The following RSF1 variants were observed in gnomAD, a reference collection of about 807,000 sequenced individuals.
The protein encoded by RSF1 is HBV pX-associated protein 8.
A neutral mutation model predicts 145.2 loss-of-function variants in RSF1; 13 were observed. The ratio of observed to expected loss-of-function variants is 0.09; its 90% confidence interval spans 0.06 to 0.14. RSF1 has a LOEUF of 0.14. Ranked by LOEUF, RSF1 falls within the 10% of genes least tolerant of loss-of-function variation. The pLI, the probability that RSF1 is intolerant of heterozygous loss-of-function variation, is 1.00. For missense variants in RSF1, 1,517 were observed against 1,718.2 expected, an observed-to-expected ratio of 0.88 and a Z score of 2.07; for synonymous variants, 577 against 592.6, an observed-to-expected ratio of 0.97 and a Z score of 0.38.
intron 11 of RSF1, among the ~76,000 whole-genome samples, chr11:77,681,875 T>C (rs1328480030): frequency 2.0e-5 from 3 of 152,234 alleles, no homozygotes; most frequent in Non-Finnish European, 2.9e-5. Flanking sequence ...AATGCAGTAT[T>C]TATGTATTTC....
At position 77,663,075 on chromosome 11, in the gene RSF1, T is replaced by C. The variant is rs1959270916; in HGVS notation, c.*3842A>G. 6.6e-6 allele frequency: 1 copy of C among 152,220 alleles called. No individual in the cohort carries two copies. Among genetic ancestry groups the C allele is most frequent in the African/African-American group, 2.4e-5 (1 of 41,470 alleles). The allele number at this position is 152,220 out of a possible 1,614,324, so 9.4% of individuals were successfully genotyped here. ...ATTTAACTCTGGGTCTTTGAATAGT[T>C]GTTCTATAGCTGTGAGGCATCACCT... is the stretch of plus-strand genomic sequence containing the variant. On this transcript the variant is annotated 3_prime_UTR_variant, in exon 16 of 16. Transcript: ENST00000308488.
intron 1 of RSF1, chr11:77,813,248 T>C (rs1302642068): frequency 8.4e-6 from 5 of 592,910 alleles, no homozygotes; most frequent in Middle Eastern, 9.6e-4. Context: ...AGTCTAATGA[T>C]GAATGGGATC....
chr11:77,683,845 G>A, intron 10 of RSF1, 26 bp from the exon 11 acceptor site: 1 of 1,524,042 alleles, frequency 6.6e-7, no homozygotes, highest in Non-Finnish European at 9.0e-7. Flanking sequence ...AATAAGCATA[G>A]AGGTTATTCC....
intron 14 of RSF1, 29 bp from the exon 15 acceptor site, chr11:77,672,259 CA>C: frequency 6.5e-7 from 1 of 1,541,822 alleles, no homozygotes; most frequent in South Asian, 1.2e-5. Flanking sequence ...GAACAAAGTA[CA>C]AAATTTAAGT....
chr11:77,680,208 G>C (rs1206682370), intron 11 of RSF1, among the ~76,000 whole-genome samples: 1 of 152,086 alleles, frequency 6.6e-6, no homozygotes, highest in East Asian at 1.9e-4. Context: ...TGAGGCAGGA[G>C]TATAACTTGA....
intron 5 of RSF1, among the ~76,000 whole-genome samples, chr11:77,710,731 T>C (rs1960658538): frequency 6.6e-6 from 1 of 152,230 alleles, no homozygotes; most frequent in Non-Finnish European, 1.5e-5. Flanking sequence ...AATTTCAGAA[T>C]GCTGACATTC....
chr11:77,797,395 C>G (rs1250649649), intron 1 of RSF1, among the ~76,000 whole-genome samples: 1 of 152,088 alleles, frequency 6.6e-6, no homozygotes, highest in East Asian at 1.9e-4. Context: ...AAACCTGACA[C>G]AAACAAGTAA....
chr11:77,756,778 G>T (rs970956827), intron 2 of RSF1, among the ~76,000 whole-genome samples: 14 of 152,356 alleles, frequency 9.2e-5, no homozygotes, highest in African/African-American at 3.1e-4. Flanking sequence ...AGCAATTGCA[G>T]TAATTATTCT....
chr11:77,704,692 G>A (rs1170575169), intron 5 of RSF1, among the ~76,000 whole-genome samples: 1 of 151,222 alleles, frequency 6.6e-6, no homozygotes, highest in Non-Finnish European at 1.5e-5. Flanking sequence ...TTCTTCGCTG[G>A]TGTCATATTT....
intron 2 of RSF1, chr11:77,763,051 A>G (rs1179761099): frequency 6.6e-6 from 1 of 152,226 alleles, no homozygotes; most frequent in African/African-American, 2.4e-5. Context: ...TAAAAGATTA[A>G]AAGAAGCCGC....
chr11:77,780,752 G>A (rs1264693515), intron 1 of RSF1, among the ~76,000 whole-genome samples: 1 of 147,696 alleles, frequency 6.8e-6, no homozygotes, highest in Admixed American at 6.9e-5. Context: ...TTGAACCCAG[G>A]AAGCAGAAGT....
chr11:77,752,239 T>A lies in RSF1; in HGVS notation c.280-5111A>T, dbSNP rs557003783. Among the ~76,000 whole-genome samples the A allele has an allele frequency of 2.6e-5, 4 of 152,322 alleles. No individual in the cohort carries two copies. In the East Asian group the frequency reaches 7.7e-4, roughly 29 times the overall value. On this transcript the variant is annotated intron_variant, in intron 2 of 15. Coordinates refer to ENST00000308488, the MANE Select transcript of RSF1 (RefSeq NM_016578.4). ...GAAGCTGAAAGGTTGCAAGGTGGAA[T>A]GCTGGCAGCTGTGCCAATAGAAAAG... is the stretch of plus-strand genomic sequence containing the variant.
chr11:77,668,046 G>A (rs1306277200), intron 15 of RSF1, among the ~76,000 whole-genome samples: 1 of 148,458 alleles, frequency 6.7e-6, no homozygotes, highest in Non-Finnish European at 1.5e-5. Context: ...CTCCCAGGCT[G>A]GAGTATCATG....
chr11:77,717,944 T>G (rs1450184615), intron 5 of RSF1: 2 of 152,256 alleles, frequency 1.3e-5, no homozygotes, highest in Non-Finnish European at 2.9e-5. Flanking sequence ...GTATTTCCAA[T>G]TGTCCTTACA....
chr11:77,693,973 C>T (rs963096714), intron 7 of RSF1, among the ~76,000 whole-genome samples: 4 of 151,788 alleles, frequency 2.6e-5, no homozygotes, highest in Non-Finnish European at 5.9e-5. Context: ...TTAGTAGAGA[C>T]GGGGTTTCAC....
chr11:77,714,251 C>T (rs575937831), intron 5 of RSF1, among the ~76,000 whole-genome samples: 26 of 152,210 alleles, frequency 1.7e-4, no homozygotes, highest in Non-Finnish European at 3.5e-4. Flanking sequence ...ATTCATGAGG[C>T]CCATAGTACC....
intron 1 of RSF1, among the ~76,000 whole-genome samples, chr11:77,782,619 C>G (rs766236879): frequency 6.6e-6 from 1 of 151,258 alleles, no homozygotes; most frequent in Non-Finnish European, 1.5e-5. Flanking sequence ...TTTAGTGGTG[C>G]CTGCAACTAA....
chr11:77,762,027 C>CTTTTTTTTTTTTTTTTTTTTTTTT (rs781501235), intron 2 of RSF1: 4 of 58,754 alleles, frequency 6.8e-5, no homozygotes, highest in African/African-American at 2.3e-4. Context: ...CTTTTCTTTT[C>CTTTTTTTTTTTTTTTTTTTTTTTT]TTTTTTTTTT....
At chr11:77,671,050 G>A (rs1297442170) in intron 15 of RSF1, among the ~76,000 whole-genome samples, 2 of 131,158 alleles carry the variant, frequency 1.5e-5, no homozygotes, top group Non-Finnish European at 3.1e-5. Flanking sequence ...AGGTTGCAGT[G>A]AGCCAAGATC....
Sources: allele counts gnomAD v4.1 joint callset (sites outside exome capture counted in the v4.1 genomes callset), GRCh38; gene constraint gnomAD v4.1.1; transcripts MANE v1.5; gene names NCBI Gene and HGNC (gene_info 2026-07-23, HGNC 2026-07-21).